Variants in VPS26C observed in about 807,000 individuals in gnomAD.
VPS26C encodes the protein vacuolar protein sorting-associated protein 26C.
A neutral mutation model predicts 30.6 loss-of-function variants in VPS26C; 19 were observed. The observed-to-expected ratio is 0.62, with a 90% CI of 0.43 to 0.91. The LOEUF (loss-of-function observed/expected upper bound fraction) is 0.91. VPS26C is among the 40% of genes least tolerant of loss of function. The probability of loss-of-function intolerance (pLI) is 0.00; values close to 1 mark genes in which losing one functional copy is unlikely to be tolerated. For missense variants in VPS26C, 318 were observed against 385.1 expected (o/e 0.83, Z 1.46); for synonymous variants, 132 against 151.5 (o/e 0.87, Z 0.95).
At chr21:37,249,425 A>C (rs769339650) in intron 1 of VPS26C, among the ~76,000 whole-genome samples, 9 of 152,250 alleles carry the variant, frequency 5.9e-5, no homozygotes, top group Non-Finnish European at 1.3e-4. Flanking sequence ...ACAACTAGTG[A>C]GAAGATACAA....
rs2085915979 is a variant in VPS26C at position 37,227,721 on chromosome 21, G to C, written c.744C>G (p.Val248=). 6.8e-6 allele frequency: 11 copies of C among 1,614,074 alleles called. No individual in the cohort carries two copies. The highest frequency in any genetic ancestry group is 1.3e-5 in the African/African-American group (1 of 74,932). The change falls in exon 7 of 8, where the codon GTC becomes GTG. Residue 248 remains valine (V), a synonymous_variant. Coordinates refer to ENST00000309117, the MANE Select transcript of VPS26C (RefSeq NM_006052.2). ...ADGDVCRGLS[V]PIYMVFPRLF... is the part of the protein sequence containing the mutation. ...GCCTAGGGAAGACCATGTAGATGGG[G>C]ACAGAGAGGCCCCTGCACACATCCC...
In VPS26C at chr21:37,238,516, A is replaced by G. The variant is rs1302266352; in HGVS notation, c.295T>C (p.Leu99=). The change falls in exon 3 of 8, where the codon TTG becomes CTG. Residue 99 remains leucine, a synonymous_variant. Transcript: ENST00000309117. ...TEIPFEFPLH[L]KGNKVLYETY... is the part of the protein sequence containing the mutation. Reference sequence around the variant, plus strand: ...TCATACAGAACTTTGTTACCCTTCAAGTGCAGAGGAAATTCAAAAGGGATT... The same window carrying G: ...TCATACAGAACTTTGTTACCCTTCAGGTGCAGAGGAAATTCAAAAGGGATT... The G allele has an allele frequency of 2.5e-6, 4 of 1,614,216 alleles. No homozygotes were observed. The Admixed American group carries it at 5.0e-5, about 20-fold the overall frequency.
chr21:37,238,413 A>T (rs1255674470), intron 3 of VPS26C, 47 bp downstream of exon 3: 29 of 1,589,576 alleles, frequency 1.8e-5, no homozygotes, highest in Non-Finnish European at 2.5e-5. Flanking sequence ...ACCGTTTGTC[A>T]GAAGAAAACT....
chr21:37,227,795 C>T lies in VPS26C; in HGVS notation c.670G>A (p.Gly224Ser). 2 of 1,614,038 alleles carry T rather than the reference C, an allele frequency of 1.2e-6. No individual in the cohort carries two copies. Among genetic ancestry groups the T allele is most frequent in the Non-Finnish European group, 1.7e-6 (2 of 1,180,036 alleles). ...ATCTCCGTGGCGTCGCGGGCATAGC[C>T]TTCTGCACACCCTGCGGGAGGGAGG... ...VRVETCGCAE[G>S]YARDATEIQN... The change falls in exon 7 of 8, where the codon GGC becomes AGC. Residue 224 changes from glycine to serine, a missense_variant. Physicochemically the swap from Gly to Ser is moderately conservative, Grantham distance 56. Transcript: ENST00000309117.
chr21:37,227,442 G>C lies in VPS26C; in HGVS notation c.811+212C>G, dbSNP rs573952000. 1.6e-5 allele frequency: 9 copies of C among 577,822 alleles called. No homozygotes were observed. The South Asian group carries it at 2.0e-4, about 13-fold the overall frequency. The allele number at this position is 577,822 out of a possible 1,614,324, so 35.8% of individuals were successfully genotyped here. Reference sequence around the variant, plus strand: ...TCCCACAAGCACCAGGACTGCCTGTGGGTGTGTCCCCTGTGCGGCACAGCA... The same window carrying C: ...TCCCACAAGCACCAGGACTGCCTGTCGGTGTGTCCCCTGTGCGGCACAGCA... On this transcript the variant is annotated intron_variant, in intron 7 of 7. Transcript: ENST00000309117.
chr21:37,261,442 C>A (rs1940996812), intron 1 of VPS26C: 1 of 152,120 alleles, frequency 6.6e-6, no homozygotes, highest in South Asian at 2.1e-4. Flanking sequence ...TTGTCATTCC[C>A]ATGTTATTTT....
chr21:37,228,309 T>C lies in VPS26C; in HGVS notation c.572A>G (p.Gln191Arg). ...CACCACCAGCTCTCCCGTTAGTGGC[T>C]GCGTGATGACACAGTTTGTTGAGTT... ...HLNSTNCVITQPLTGELVVES... is the reference protein window; with the variant it reads ...HLNSTNCVITRPLTGELVVES... The change falls in exon 6 of 8, where the codon CAG becomes CGG. Residue 191 changes from glutamine to arginine, a missense_variant. Gln to Arg is a conservative substitution (Grantham distance 43). Transcript: ENST00000309117. 6.2e-7 allele frequency: 1 copy of C among 1,614,208 alleles called. No individual in the cohort carries two copies.
chr21:37,264,234 A>G (rs1376460589), intron 1 of VPS26C, among the ~76,000 whole-genome samples: 1 of 152,258 alleles, frequency 6.6e-6, no homozygotes, highest in African/African-American at 2.4e-5. Context: ...TTCACCATAT[A>G]AGGTTTCCTT....
rs534312539 is a variant in VPS26C, at chr21:37,233,601, G to T, written c.352-159C>A. ...ACATACATAATATAATACATAATAG[G>T]ATAGTTAATGTTCAAAATAAAGGCA... is the stretch of plus-strand genomic sequence containing the variant. On this transcript the variant is annotated intron_variant, in intron 3 of 7. Transcript: ENST00000309117. This position sits in a 1 kb window ranked among gnomAD's most constrained non-coding sequence, Gnocchi z 5.2. Among the ~76,000 whole-genome samples the T allele has an allele frequency of 6.6e-6, 1 of 152,316 alleles. No homozygotes were observed. Among genetic ancestry groups the T allele is most frequent in the Non-Finnish European group, 1.5e-5 (1 of 68,038 alleles).
intron 5 of VPS26C, chr21:37,232,108 C>T (rs978860237): frequency 2.2e-6 from 1 of 446,402 alleles, no homozygotes; most frequent in Non-Finnish European, 4.0e-6. Context: ...CTTGGGGGCC[C>T]ATGATGCAGT....
At chr21:37,252,572 T>C (rs1031538204) in intron 1 of VPS26C, among the ~76,000 whole-genome samples, 2 of 152,176 alleles carry the variant, frequency 1.3e-5, no homozygotes, top group African/African-American at 4.8e-5. Context: ...ACAATGCCAC[T>C]CAGCAACCCC....
upstream of VPS26C, chr21:37,267,663 C>G (rs1356002876): frequency 6.9e-6 from 2 of 288,888 alleles, no homozygotes. Flanking sequence ...CCGCGTGCCC[C>G]GCGGCTGGAG....
chr21:37,260,313 GA>G (rs1287596554), intron 1 of VPS26C, among the ~76,000 whole-genome samples: 2 of 152,162 alleles, frequency 1.3e-5, no homozygotes, highest in Non-Finnish European at 2.9e-5. Context: ...TCTTTCACTG[GA>G]AGTAGGGAAT....
chr21:37,241,258 A>G (rs1047856877), intron 1 of VPS26C, among the ~76,000 whole-genome samples: 2 of 152,188 alleles, frequency 1.3e-5, no homozygotes, highest in African/African-American at 4.8e-5. Flanking sequence ...TCCTGCTCAC[A>G]CCAGGAGGCA....
chr21:37,237,929 C>T (rs1379862075), intron 3 of VPS26C, among the ~76,000 whole-genome samples: 1 of 152,188 alleles, frequency 6.6e-6, no homozygotes, highest in Admixed American at 6.5e-5. Flanking sequence ...CTATCTCACC[C>T]CGCGTGGACT....
At chr21:37,260,556 A>G (rs997563691) in intron 1 of VPS26C, among the ~76,000 whole-genome samples, 1 of 152,150 alleles carries the variant, frequency 6.6e-6, no homozygotes, top group African/African-American at 2.4e-5. Flanking sequence ...TTTCTACCCA[A>G]GTGGAAGGAT....
chr21:37,267,328 T>C lies in VPS26C; in HGVS notation c.-34A>G. On this transcript the variant is annotated 5_prime_UTR_variant, in exon 1 of 8. Coordinates refer to ENST00000309117, the MANE Select transcript of VPS26C (RefSeq NM_006052.2). The stretch of plus-strand genomic sequence containing the variant: ...CTCCGCAGCAGCCGCCACTTCCGGC[T>C]GCGCGTGACCCCAGGGAAACAAGGG... The C allele has an allele frequency of 6.2e-7, 1 of 1,603,428 alleles. No individual in the cohort carries two copies.
Position 37,234,733 on chromosome 21 carries a change from TAAG to T in VPS26C, c.352-1294_352-1292del, listed in dbSNP as rs545075467. On this transcript the variant is annotated intron_variant, in intron 3 of 7. Coordinates refer to ENST00000309117, the MANE Select transcript of VPS26C (RefSeq NM_006052.2). ...GTATGAACAACCTGTCCGCATGAAA[TAAG>T]AAGTTACTATATATATTTAAGGTAC... 8.4e-3 allele frequency among the ~76,000 whole-genome samples: 1,283 copies of T among 152,272 alleles called. 9 individuals are homozygous for T. The highest frequency in any genetic ancestry group is 0.013 in the Non-Finnish European group (902 of 68,020).
At chr21:37,241,821 C>A (rs764990411) in intron 1 of VPS26C, among the ~76,000 whole-genome samples, 7 of 152,088 alleles carry the variant, frequency 4.6e-5, no homozygotes, top group Admixed American at 2.6e-4. Flanking sequence ...AACCCTATCT[C>A]AAAAATAAAC....
Sources: gnomAD v4.1 joint callset for allele counts (sites outside exome capture counted in the v4.1 genomes callset) on GRCh38, gnomAD v4.1.1 for gene constraint, Gnocchi (gnomAD v3.1) non-coding constraint, MANE v1.5 for transcripts, NCBI Gene and HGNC (gene_info 2026-07-23, HGNC 2026-07-21) for gene names.